The following SLC14A2 variants were observed in gnomAD, a reference collection of about 807,000 sequenced individuals.
SLC14A2 encodes solute carrier family 14 member 2.
SLC14A2 carries 91 observed loss-of-function variants against 104.6 expected under a neutral mutation model. The ratio of observed to expected loss-of-function variants is 0.87; its 90% CI spans 0.73 to 1.04. The LOEUF is 1.04. Among genes scored for constraint, SLC14A2 ranks in the 50% least tolerant of loss-of-function variants. The probability of loss-of-function intolerance (pLI) is 0.00; values close to 1 mark genes in which losing one functional copy is unlikely to be tolerated. For synonymous variants in SLC14A2, 476 were observed against 466.4 expected, an observed-to-expected ratio of 1.02 and a Z score of -0.27; for missense variants, 1,189 against 1,156.0, an observed-to-expected ratio of 1.03 and a Z score of -0.41.
At chr18:45,229,655 C>T (rs1444652963) in intron 1 of SLC14A2, among the ~76,000 whole-genome samples, 3 of 152,134 alleles carry the variant, frequency 2.0e-5, no homozygotes, top group Non-Finnish European at 2.9e-5. Context: ...CTGCACTCTA[C>T]CTGGTGTCAG....
At position 45,318,113 on chromosome 18, in the gene SLC14A2, G is replaced by A. The variant is rs113907294; in HGVS notation, c.-125+104922G>A. Among the ~76,000 whole-genome samples, 463 of 152,322 alleles carry A rather than the reference G, an allele frequency of 3.0e-3. 1 individual carries two copies. The highest frequency in any genetic ancestry group is 5.6e-3 in the Non-Finnish European group (381 of 68,042). On this transcript the variant is annotated intron_variant, in intron 1 of 20. Transcript: ENST00000586448. ...GATTAGGTGAATAAATAACTTGATT[G>A]AGACGCGCCTCTTTGGAGGGTGATG...
intron 1 of SLC14A2, among the ~76,000 whole-genome samples, chr18:45,231,653 C>T (rs994060027): frequency 2.0e-5 from 3 of 152,194 alleles, no homozygotes; most frequent in Admixed American, 2.0e-4. Flanking sequence ...GTCTTCATGC[C>T]ATCCATTACA....
intron 2 of SLC14A2, among the ~76,000 whole-genome samples, chr18:45,574,772 CTTTCT>C (rs1408599634): frequency 6.6e-6 from 1 of 152,218 alleles, no homozygotes; most frequent in Admixed American, 6.5e-5. Context: ...GAATTCTCAG[CTTTCT>C]GTAGCAAAGC....
intron 2 of SLC14A2, chr18:45,528,944 C>T (rs2043639406): frequency 6.6e-6 from 1 of 152,218 alleles, no homozygotes. Context: ...CACTTTTCTG[C>T]TTTCTGGGGA....
chr18:45,507,687 C>A (rs1460763671), intron 2 of SLC14A2, among the ~76,000 whole-genome samples: 1 of 152,180 alleles, frequency 6.6e-6, no homozygotes, highest in Non-Finnish European at 1.5e-5. Context: ...AGAGGAGCTT[C>A]TGCTGCCGTT....
chr18:45,192,449 G>C, the SLC14A2 span, among the ~76,000 whole-genome samples: 1 of 152,142 alleles, frequency 6.6e-6, no homozygotes, highest in Admixed American at 6.5e-5. Context: ...GGAGTACCTA[G>C]GATTAGAATG....
At chr18:45,350,659 T>C (rs1939701228) in intron 1 of SLC14A2, among the ~76,000 whole-genome samples, 2 of 152,120 alleles carry the variant, frequency 1.3e-5, no homozygotes. Flanking sequence ...ACTTTCCTAT[T>C]ACTAGGCTTA....
intron 1 of SLC14A2, among the ~76,000 whole-genome samples, chr18:45,478,819 G>T (rs1005880751): frequency 2.0e-5 from 3 of 151,762 alleles, no homozygotes; most frequent in African/African-American, 7.3e-5. Flanking sequence ...ACCAATTAAA[G>T]TGGAACCTAT....
chr18:45,580,195 C>G (rs2044469601), intron 2 of SLC14A2, among the ~76,000 whole-genome samples: 1 of 152,162 alleles, frequency 6.6e-6, no homozygotes, highest in Admixed American at 6.5e-5. Flanking sequence ...AAACCAGAAC[C>G]ATAGCTGGGA....
In SLC14A2 at chr18:45,476,229, T is replaced by G. The variant is rs958606831; in HGVS notation, c.-124-7004T>G. Among the ~76,000 whole-genome samples, 13 of 152,176 alleles carry G rather than the reference T, an allele frequency of 8.5e-5. No homozygotes were observed. In the East Asian group the frequency reaches 2.5e-3, roughly 29 times the overall value. On this transcript the variant is annotated intron_variant, in intron 1 of 20. Transcript: ENST00000586448. ...GTCTGTAAAGGATTTTATTTCTCCTTCTCTTATGAAGATTAGTTTGGCTGG... is the reference window on the plus strand; with the variant it reads ...GTCTGTAAAGGATTTTATTTCTCCTGCTCTTATGAAGATTAGTTTGGCTGG...
intron 1 of SLC14A2, among the ~76,000 whole-genome samples, chr18:45,269,074 A>G (rs899697293): frequency 1.3e-5 from 2 of 151,818 alleles, no homozygotes. Flanking sequence ...CTTCTTCCCA[A>G]AAGAAACCTG....
chr18:45,261,574 A>C (rs1216905686), intron 1 of SLC14A2, among the ~76,000 whole-genome samples: 2 of 150,550 alleles, frequency 1.3e-5, no homozygotes, highest in Non-Finnish European at 3.0e-5. Flanking sequence ...CAACCCCACA[A>C]CAGTCCCCAG....
chr18:45,587,996 G>GT (rs1396802126), intron 2 of SLC14A2, among the ~76,000 whole-genome samples: 2 of 152,106 alleles, frequency 1.3e-5, no homozygotes, highest in Admixed American at 1.3e-4. Flanking sequence ...GTTGCAGGGG[G>GT]GCGCTAGGGC....
At chr18:45,607,055 A>G (rs906501221) in intron 2 of SLC14A2, among the ~76,000 whole-genome samples, 6 of 152,192 alleles carry the variant, frequency 3.9e-5, no homozygotes, top group African/African-American at 1.4e-4. Context: ...GACTGTTTTA[A>G]TATTTTCTTA....
At chr18:45,621,795 C>A (rs750938758) in intron 1 of SLC14A2, among the ~76,000 whole-genome samples, 4 of 152,134 alleles carry the variant, frequency 2.6e-5, no homozygotes, top group Non-Finnish European at 5.9e-5. Flanking sequence ...GAGTATGTGA[C>A]AGGAGAACAT....
At chr18:45,211,352 TAACCAATCTTA>T (rs1445354876), upstream of SLC14A2, among the ~76,000 whole-genome samples, 1 of 152,168 alleles carries the variant, frequency 6.6e-6, no homozygotes, top group African/African-American at 2.4e-5. Context: ...ATAGGAAAAC[TAACCAATCTTA>T]GACCAAACAG....
intron 1 of SLC14A2, among the ~76,000 whole-genome samples, chr18:45,255,929 C>T (rs995358780): frequency 7.9e-5 from 12 of 152,080 alleles, no homozygotes; most frequent in Admixed American, 4.6e-4. Flanking sequence ...TAGAAAGGCC[C>T]GGATGTATGC....
chr18:45,461,688 C>A (rs62093060), intron 1 of SLC14A2, among the ~76,000 whole-genome samples: 7,214 of 152,244 alleles, frequency 0.047, 215 homozygotes, highest in Middle Eastern at 0.13. Context: ...TGAAGGGCAA[C>A]AAAAAGGCCT....
intron 1 of SLC14A2, among the ~76,000 whole-genome samples, chr18:45,254,377 T>C (rs1450702849): frequency 6.6e-6 from 1 of 152,178 alleles, no homozygotes; most frequent in Admixed American, 6.5e-5. Flanking sequence ...TGTCAGCCAC[T>C]AGGCATCTTC....
Sources: gnomAD v4.1 joint callset for allele counts (sites outside exome capture counted in the v4.1 genomes callset) on GRCh38, gnomAD v4.1.1 for gene constraint, MANE v1.5 for transcripts, NCBI Gene and HGNC (gene_info 2026-07-23, HGNC 2026-07-21) for gene names.